SENP7: variants seen among roughly 807,000 people sequenced by gnomAD.
The protein encoded by SENP7 is SUMO specific peptidase 7.
In SENP7, 64 loss-of-function variants were observed where a neutral mutation model predicts 141.2. That is an observed-to-expected ratio of 0.45 (90% CI 0.37 to 0.56). SENP7 has a LOEUF of 0.56. SENP7 is among the 20% of genes least tolerant of loss of function. The probability of loss-of-function intolerance (pLI) is 0.00; values close to 1 mark genes in which losing one functional copy is unlikely to be tolerated. For synonymous variants in SENP7, 382 were observed against 426.4 expected (o/e 0.90, Z 1.28); for missense variants, 1,025 against 1,212.2 (o/e 0.85, Z 2.29).
chr3:101,466,821 AC>A (rs2063773326), intron 3 of SENP7, among the ~76,000 whole-genome samples: 1 of 152,004 alleles, frequency 6.6e-6, no homozygotes, highest in Non-Finnish European at 1.5e-5. Flanking sequence ...GGTTCATCTC[AC>A]TGGGACTGGC....
intron 4 of SENP7, among the ~76,000 whole-genome samples, chr3:101,452,146 C>G: frequency 1.3e-5 from 2 of 151,738 alleles, no homozygotes; most frequent in Non-Finnish European, 1.5e-5. Context: ...ACCTAGGAAT[C>G]CAACTTACAA....
At chr3:101,499,956 C>T (rs1283266255) in intron 2 of SENP7, among the ~76,000 whole-genome samples, 1 of 152,088 alleles carries the variant, frequency 6.6e-6, no homozygotes, top group Non-Finnish European at 1.5e-5. Flanking sequence ...ATTTACCCCA[C>T]TTAAACTAAA....
At chr3:101,350,602 G>T (rs1440595752) in intron 12 of SENP7, among the ~76,000 whole-genome samples, 1 of 151,896 alleles carries the variant, frequency 6.6e-6, no homozygotes, top group Non-Finnish European at 1.5e-5. Context: ...TATAAAATAA[G>T]AAAGCAATAT....
intron 3 of SENP7, among the ~76,000 whole-genome samples, chr3:101,460,124 C>T (rs1241004319): frequency 6.6e-6 from 1 of 152,116 alleles, no homozygotes; most frequent in Non-Finnish European, 1.5e-5. Flanking sequence ...AGCAGTTGGG[C>T]ATTACTCCCC....
chr3:101,498,781 T>C (rs2108140931), intron 2 of SENP7, among the ~76,000 whole-genome samples: 1 of 152,288 alleles, frequency 6.6e-6, no homozygotes, highest in East Asian at 1.9e-4. Context: ...CTACCCCTCC[T>C]GTCAGATCAG....
rs375860372 is a variant in SENP7, at chr3:101,460,482, G to T, written c.187-1430C>A. On this transcript the variant is annotated intron_variant, in intron 3 of 23. Transcript: ENST00000394095. Reference sequence around the variant, plus strand: ...TTCAACAAATAGTTCTAGAACAACTGAACCGCCACATGCAAAAGCAGGAAC... The same window carrying T: ...TTCAACAAATAGTTCTAGAACAACTTAACCGCCACATGCAAAAGCAGGAAC... 1.7e-3 allele frequency among the ~76,000 whole-genome samples: 264 copies of T among 152,148 alleles called. 6 individuals carry two copies. The South Asian group carries it at 0.024, about 14-fold the overall frequency.
At chr3:101,350,644 C>T (rs2059589327) in intron 12 of SENP7, among the ~76,000 whole-genome samples, 1 of 151,866 alleles carries the variant, frequency 6.6e-6, no homozygotes, top group Non-Finnish European at 1.5e-5. Context: ...TCTAAAATAT[C>T]GTTTTTGATG....
rs535325732 is a variant in SENP7 at position 101,457,421 on chromosome 3, T to C, written c.284+1534A>G. The C allele has an allele frequency of 5.2e-6, 8 of 1,553,082 alleles. No individual in the cohort carries two copies. In the East Asian group the frequency reaches 1.6e-4, roughly 30 times the overall value. On this transcript the variant is annotated intron_variant, in intron 4 of 23. Transcript: ENST00000394095. ...CACCAAGCTGGTTTAAGATGTTGGGTAGCATTTCTGTCAGCTGCTTTGTCT... is the reference window on the plus strand; with the variant it reads ...CACCAAGCTGGTTTAAGATGTTGGGCAGCATTTCTGTCAGCTGCTTTGTCT...
chr3:101,338,474 C>T (rs536607034), intron 16 of SENP7, among the ~76,000 whole-genome samples: 1 of 152,142 alleles, frequency 6.6e-6, no homozygotes, highest in African/African-American at 2.4e-5. Flanking sequence ...GTAATTAACC[C>T]CTTCATGATT....
At chr3:101,373,562 A>G (rs1576133813) in intron 6 of SENP7, among the ~76,000 whole-genome samples, 1 of 152,206 alleles carries the variant, frequency 6.6e-6, no homozygotes, top group Non-Finnish European at 1.5e-5. Flanking sequence ...TGAACACTGA[A>G]AAACAAAATA....
intron 3 of SENP7, among the ~76,000 whole-genome samples, chr3:101,482,332 A>G (rs1204887245): frequency 6.6e-6 from 1 of 152,090 alleles, no homozygotes; most frequent in Non-Finnish European, 1.5e-5. Flanking sequence ...AAAAAAAAGA[A>G]AGAAATACTT....
Position 101,367,903 on chromosome 3 carries a change from G to A in SENP7, c.905C>T (p.Thr302Ile). 2 of 1,610,928 alleles carry A rather than the reference G, an allele frequency of 1.2e-6. No homozygotes were observed. The highest frequency in any genetic ancestry group is 1.7e-6 in the Non-Finnish European group (2 of 1,177,530). ...KVELTLISRK[T>I]KRRLRNNLPD... The stretch of plus-strand genomic sequence containing the variant: ...TAAATTATTTCTAAGCCTTCTCTTT[G>A]TCTTCCTGGAAATCAGAGTGAGTTC... The change falls in exon 8 of 24, where the codon ACA becomes ATA. Residue 302 changes from threonine (T) to isoleucine (I), a missense_variant. Physicochemically the swap from Thr to Ile is moderately conservative, Grantham distance 89. Around this residue, in one of 4 missense-constraint regions of SENP7, gnomAD observed 496 missense variants for 503.5 expected, o/e 0.99. Coordinates refer to ENST00000394095, the MANE Select transcript of SENP7 (RefSeq NM_020654.5).
At chr3:101,345,467 T>G (rs1035882962) in intron 13 of SENP7, among the ~76,000 whole-genome samples, 3 of 152,220 alleles carry the variant, frequency 2.0e-5, no homozygotes, top group Non-Finnish European at 4.4e-5. Context: ...GCTAGCTATA[T>G]TCCTAAGTAT....
At position 101,397,569 on chromosome 3, in the gene SENP7, A is replaced by G. The variant is rs77335338; in HGVS notation, c.677+1292T>C. Among the ~76,000 whole-genome samples, 13 of 152,352 alleles carry G rather than the reference A, an allele frequency of 8.5e-5. No homozygotes were observed. The East Asian group carries it at 2.3e-3, about 27-fold the overall frequency. On this transcript the variant is annotated intron_variant, in intron 6 of 23. Transcript: ENST00000394095. ...AGACCTAATAAAATATAAAGTTAAAATTGTCGTTACTGATTCACTAAGTAG... is the reference window on the plus strand; with the variant it reads ...AGACCTAATAAAATATAAAGTTAAAGTTGTCGTTACTGATTCACTAAGTAG...
chr3:101,334,938 A>G (rs192523913), intron 17 of SENP7, among the ~76,000 whole-genome samples: 257 of 152,328 alleles, frequency 1.7e-3, no homozygotes, highest in African/African-American at 6.0e-3. Context: ...AATCAATAAT[A>G]GGCACTGTTA....
rs1279290139 is a variant in SENP7 at position 101,399,034 on chromosome 3, C to T, written c.504G>A (p.Thr168=). 3.1e-6 allele frequency: 5 copies of T among 1,611,548 alleles called. No individual in the cohort carries two copies. Among genetic ancestry groups the T allele is most frequent in the Non-Finnish European group, 4.2e-6 (5 of 1,178,446 alleles). Residue 168 remains threonine, a synonymous_variant, in exon 6 of 24, where the codon ACG becomes ACA. Transcript: ENST00000394095. ...LSERIPRVIL[T]NVLGTELGRK... ...TTCCTAACTCCGTTCCCAGGACATT[C>T]GTCAATATAACTCTGGGTATCCTGT...
At chr3:101,404,478 T>G (rs1045359567) in intron 5 of SENP7, among the ~76,000 whole-genome samples, 4 of 152,040 alleles carry the variant, frequency 2.6e-5, no homozygotes, top group Non-Finnish European at 4.4e-5. Context: ...AGAAGAAAAT[T>G]TAGGCAATAC....
intron 3 of SENP7, among the ~76,000 whole-genome samples, chr3:101,485,369 T>C (rs2064684143): frequency 6.6e-6 from 1 of 152,000 alleles, no homozygotes; most frequent in African/African-American, 2.4e-5. Context: ...ACCCCGCCAC[T>C]ACCTCCACTG....
At chr3:101,463,364 AATATATATAT>A (rs71625265) in intron 3 of SENP7, among the ~76,000 whole-genome samples, 1,314 of 89,224 alleles carry the variant, frequency 0.015, 57 homozygotes, top group African/African-American at 0.049. Context: ...TAAATAAATA[AATATATATAT>A]ATATATATAT....
Sources: allele counts gnomAD v4.1 joint callset (sites outside exome capture counted in the v4.1 genomes callset), GRCh38; gene constraint gnomAD v4.1.1; regional missense constraint gnomAD v4.1.1; transcripts MANE v1.5; gene names NCBI Gene and HGNC (gene_info 2026-07-23, HGNC 2026-07-21).